The following LRRC8D variants were observed in gnomAD, a reference collection of about 807,000 sequenced individuals.
LRRC8D encodes leucine rich repeat containing 8 VRAC subunit D, also known as volume-regulated anion channel subunit LRRC8D.
In LRRC8D, 20 loss-of-function variants were observed where a neutral mutation model predicts 55.8. That is an observed-to-expected ratio of 0.36 (90% CI 0.25 to 0.52). LRRC8D has a LOEUF of 0.52. Ranked by LOEUF, LRRC8D falls within the 20% of genes least tolerant of loss-of-function variation. The pLI, the probability that LRRC8D is intolerant of heterozygous loss-of-function variation, is 0.93. For synonymous variants in LRRC8D, 352 were observed against 377.0 expected, an observed-to-expected ratio of 0.93 and a Z score of 0.77; for missense variants, 651 against 1,030.8, an observed-to-expected ratio of 0.63 and a Z score of 5.05.
chr1:89,872,614 T>C (rs918853692), intron 2 of LRRC8D, among the ~76,000 whole-genome samples: 3 of 152,242 alleles, frequency 2.0e-5, no homozygotes, highest in Non-Finnish European at 2.9e-5. Flanking sequence ...ATTAGAAATA[T>C]GTCTAATTGA....
chr1:89,834,234 A>G (rs1471576429), intron 1 of LRRC8D, among the ~76,000 whole-genome samples: 5 of 152,216 alleles, frequency 3.3e-5, no homozygotes, highest in Non-Finnish European at 7.3e-5. Flanking sequence ...TTTGAAAGCA[A>G]ATGCCTTTTT....
At chr1:89,843,552 G>GCCTCCCCGCCGCCCTGCACTCCTT in intron 1 of LRRC8D, 86 bp from the exon 2 acceptor site, 1 of 685,472 alleles carries the variant, frequency 1.5e-6, no homozygotes, top group Non-Finnish European at 2.7e-6. Flanking sequence ...CCCTGGTCTT[G>GCCTCCCCGCCGCCCTGCACTCCTT]CCTCCCCGCC....
At chr1:89,831,160 C>T (rs1660877131) in intron 1 of LRRC8D, among the ~76,000 whole-genome samples, 1 of 152,162 alleles carries the variant, frequency 6.6e-6, no homozygotes, top group Admixed American at 6.5e-5. Flanking sequence ...CCTGCCTCAG[C>T]CTCCCAAAGT....
chr1:89,891,796 A>T (rs1313680590), intron 2 of LRRC8D, among the ~76,000 whole-genome samples: 2 of 152,144 alleles, frequency 1.3e-5, no homozygotes, highest in African/African-American at 4.8e-5. Context: ...ACACCTTCTT[A>T]ATTAGCTCAT....
intron 2 of LRRC8D, among the ~76,000 whole-genome samples, chr1:89,898,066 C>T (rs1351236880): frequency 6.6e-6 from 1 of 152,158 alleles, no homozygotes; most frequent in Non-Finnish European, 1.5e-5. Context: ...GTGGCTGAAC[C>T]TCTGTATGTG....
intron 2 of LRRC8D, among the ~76,000 whole-genome samples, chr1:89,867,907 A>T (rs1455243955): frequency 6.6e-6 from 1 of 152,238 alleles, no homozygotes; most frequent in Non-Finnish European, 1.5e-5. Flanking sequence ...TGTAACCCAA[A>T]TTATGAGGAT....
rs755794128 is a variant in LRRC8D, at chr1:89,934,064, A to C, written c.996A>C (p.Ala332=). The change falls in exon 3 of 3, where the codon GCA becomes GCC. Residue 332 remains alanine, a synonymous_variant. Coordinates refer to ENST00000337338, the MANE Select transcript of LRRC8D (RefSeq NM_001134479.2). The surrounding 1 kb of genome is among the most constrained non-coding windows in gnomAD (Gnocchi z 5.9). ...ILCYTANFVN[A]ISFEHVCKPK... ...GCTATACAGCGAACTTTGTCAACGCAATCAGCTTTGAACACGTCTGCAAGC... is the reference window on the plus strand; with the variant it reads ...GCTATACAGCGAACTTTGTCAACGCCATCAGCTTTGAACACGTCTGCAAGC... The C allele has an allele frequency of 5.6e-6, 9 of 1,614,198 alleles. No individual in the cohort carries two copies. The highest frequency in any genetic ancestry group is 7.6e-6 in the Non-Finnish European group (9 of 1,180,036).
intron 2 of LRRC8D, chr1:89,929,978 TG>T (rs1663662625): frequency 6.6e-6 from 1 of 152,234 alleles, no homozygotes; most frequent in Admixed American, 6.5e-5. Context: ...TATCATGAAC[TG>T]CTCATGTGAG....
In LRRC8D at chr1:89,863,530, C is replaced by T. The variant is rs912153690; in HGVS notation, c.-3+19748C>T. ...TTTCAAGATGCTGAAAATGATTATG[C>T]TTCTTTTTTTTTTCCTCCTAGCTTT... On this transcript the variant is annotated intron_variant, in intron 2 of 2. Transcript: ENST00000337338. Among the ~76,000 whole-genome samples the T allele has an allele frequency of 6.6e-5, 10 of 152,048 alleles. 1 individual carries two copies.
chr1:89,908,916 A>G (rs931577126), intron 2 of LRRC8D, among the ~76,000 whole-genome samples: 1 of 152,182 alleles, frequency 6.6e-6, no homozygotes, highest in African/African-American at 2.4e-5. Context: ...AAAGGGTAGA[A>G]TGCTTTATTT....
chr1:89,902,658 T>C (rs1662893300), intron 2 of LRRC8D, among the ~76,000 whole-genome samples: 1 of 151,898 alleles, frequency 6.6e-6, no homozygotes, highest in Non-Finnish European at 1.5e-5. Flanking sequence ...TGCCTCAGCC[T>C]CCCGAGTAGC....
intron 2 of LRRC8D, among the ~76,000 whole-genome samples, chr1:89,881,712 G>A (rs1322650117): frequency 1.3e-5 from 2 of 152,114 alleles, no homozygotes; most frequent in Admixed American, 6.5e-5. Context: ...GCATGATCAT[G>A]CCTTTTCTTA....
chr1:89,902,135 C>T (rs1557475961), intron 2 of LRRC8D, among the ~76,000 whole-genome samples: 1 of 152,268 alleles, frequency 6.6e-6, no homozygotes, highest in African/African-American at 2.4e-5. Context: ...ATAATTGAAA[C>T]ATATGTTTTC....
intron 2 of LRRC8D, among the ~76,000 whole-genome samples, chr1:89,870,462 C>T (rs905353850): frequency 2.0e-5 from 3 of 151,452 alleles, no homozygotes; most frequent in South Asian, 2.1e-4. Flanking sequence ...GGCGACAAAG[C>T]GAGACCCTGT....
intron 2 of LRRC8D, among the ~76,000 whole-genome samples, chr1:89,856,393 C>T (rs1661554398): frequency 6.6e-6 from 1 of 152,016 alleles, no homozygotes; most frequent in Admixed American, 6.6e-5. Flanking sequence ...TCTCTATTTC[C>T]AGAAATAAGA....
chr1:89,909,034 G>GTGTC (rs1663064427), intron 2 of LRRC8D, among the ~76,000 whole-genome samples: 1 of 150,390 alleles, frequency 6.6e-6, no homozygotes, highest in South Asian at 2.1e-4. Context: ...GTGTGTGTGT[G>GTGTC]TGTCTGTGTG....
At chr1:89,918,399 C>G (rs1043122955) in intron 2 of LRRC8D, among the ~76,000 whole-genome samples, 1 of 152,234 alleles carries the variant, frequency 6.6e-6, no homozygotes, top group Non-Finnish European at 1.5e-5. Flanking sequence ...CAGAGTTACT[C>G]TCAGTCAGAA....
At chr1:89,903,430 A>G (rs1014535883) in intron 2 of LRRC8D, among the ~76,000 whole-genome samples, 6 of 152,160 alleles carry the variant, frequency 3.9e-5, no homozygotes, top group Non-Finnish European at 7.3e-5. Context: ...TTTACCTAGT[A>G]TGTGATCAAA....
chr1:89,885,746 A>G (rs1300849885), intron 2 of LRRC8D, among the ~76,000 whole-genome samples: 1 of 152,204 alleles, frequency 6.6e-6, no homozygotes, highest in East Asian at 1.9e-4. Flanking sequence ...GTGCTTGGGC[A>G]TCAGTGAAGA....
Sources: gnomAD v4.1 joint callset for allele counts (sites outside exome capture counted in the v4.1 genomes callset) on GRCh38, gnomAD v4.1.1 for gene constraint, Gnocchi (gnomAD v3.1) non-coding constraint, MANE v1.5 for transcripts, NCBI Gene and HGNC (gene_info 2026-07-23, HGNC 2026-07-21) for gene names.